GALNT17: variants seen among roughly 807,000 people sequenced by gnomAD.
GALNT17 encodes polypeptide N-acetylgalactosaminyltransferase 17, also known as UDP-GalNAc:polypeptide N-acetylgalactosaminyltransferase-like 3.
In GALNT17, 29 loss-of-function variants were observed where a neutral mutation model predicts 63.7. The observed-to-expected ratio is 0.46, with a 90% CI of 0.34 to 0.62. The LOEUF is 0.62. Ranked by LOEUF, GALNT17 falls within the 20% of genes least tolerant of loss-of-function variation. The pLI is 0.01. For synonymous variants in GALNT17, 305 were observed against 318.3 expected (o/e 0.96, Z 0.45); for missense variants, 603 against 799.6 (o/e 0.75, Z 2.97).
chr7:71,438,764 CT>C (rs1199232470), intron 5 of GALNT17, among the ~76,000 whole-genome samples: 1 of 151,968 alleles, frequency 6.6e-6, no homozygotes, highest in Non-Finnish European at 1.5e-5. Flanking sequence ...TATAATAGCC[CT>C]TTTCTTTTTA....
At chr7:71,346,129 C>A (rs1401064742) in intron 2 of GALNT17, among the ~76,000 whole-genome samples, 1 of 151,562 alleles carries the variant, frequency 6.6e-6, no homozygotes, top group Non-Finnish European at 1.5e-5. Flanking sequence ...GAGTCCAAGG[C>A]TACAGGGAGC....
At position 71,555,551 on chromosome 7, in the gene GALNT17, C is replaced by T. The variant is rs191459848; in HGVS notation, c.963-15734C>T. Among the ~76,000 whole-genome samples, 3 of 152,160 alleles carry T rather than the reference C, an allele frequency of 2.0e-5. No homozygotes were observed. In the East Asian group the frequency reaches 5.8e-4, roughly 30 times the overall value. On this transcript the variant is annotated intron_variant, in intron 5 of 10. Coordinates refer to ENST00000333538, the MANE Select transcript of GALNT17 (RefSeq NM_022479.3). ...AGGCCCCACCTATAACACTGGTGAT[C>T]ACATTTCAACATGAGATTTGGAAGG...
chr7:71,500,496 TTCC>T (rs916287517), intron 5 of GALNT17, among the ~76,000 whole-genome samples: 5 of 152,120 alleles, frequency 3.3e-5, no homozygotes, highest in Admixed American at 1.3e-4. Flanking sequence ...AGGTCTCAAC[TTCC>T]TCCTCTCTGT....
At chr7:71,622,869 G>T (rs1489699629) in intron 6 of GALNT17, among the ~76,000 whole-genome samples, 1 of 152,182 alleles carries the variant, frequency 6.6e-6, no homozygotes, top group Non-Finnish European at 1.5e-5. Context: ...AAAACCCTGT[G>T]CTGGACTTTG....
At chr7:71,630,156 C>A (rs1036922388) in intron 6 of GALNT17, among the ~76,000 whole-genome samples, 1 of 142,034 alleles carries the variant, frequency 7.0e-6, no homozygotes, top group Admixed American at 7.0e-5. Flanking sequence ...AGTCCTCCCA[C>A]CTTGGCCTCC....
chr7:71,198,802 C>G (rs114888783), intron 1 of GALNT17, among the ~76,000 whole-genome samples: 2,012 of 152,304 alleles, frequency 0.013, 41 homozygotes, highest in African/African-American at 0.046. Flanking sequence ...TTTTGCTCCT[C>G]TCTCTCCCCA....
intron 8 of GALNT17, among the ~76,000 whole-genome samples, chr7:71,670,336 GA>G (rs1187667624): frequency 2.6e-5 from 4 of 152,146 alleles, no homozygotes; most frequent in Non-Finnish European, 4.4e-5. Context: ...TACTTTGCCT[GA>G]GATATGTAGC....
chr7:71,449,857 C>T (rs1446707556), intron 5 of GALNT17, among the ~76,000 whole-genome samples: 1 of 151,784 alleles, frequency 6.6e-6, no homozygotes, highest in Admixed American at 6.6e-5. Context: ...GCCTGACCAA[C>T]ATGGAGAAAC....
At chr7:71,202,988 A>T (rs1406424780) in intron 1 of GALNT17, among the ~76,000 whole-genome samples, 1 of 152,168 alleles carries the variant, frequency 6.6e-6, no homozygotes, top group Admixed American at 6.5e-5. Flanking sequence ...ATGTATACAC[A>T]CGTGCACACA....
intron 2 of GALNT17, among the ~76,000 whole-genome samples, chr7:71,383,899 T>C (rs867553251): frequency 1.3e-5 from 2 of 152,342 alleles, no homozygotes; most frequent in Middle Eastern, 3.4e-3. Context: ...TAGCTGCGAA[T>C]AATGCTCTAT....
intron 1 of GALNT17, among the ~76,000 whole-genome samples, chr7:71,297,096 A>C (rs533472629): frequency 6.6e-6 from 1 of 152,100 alleles, no homozygotes; most frequent in Admixed American, 6.5e-5. Context: ...CTCTTCCATC[A>C]CTTTCGCCAG....
intron 5 of GALNT17, among the ~76,000 whole-genome samples, chr7:71,470,972 G>A (rs188676391): frequency 3.3e-5 from 5 of 152,234 alleles, no homozygotes; most frequent in Admixed American, 3.3e-4. Flanking sequence ...TTTTAAAATG[G>A]AATTATGTGT....
At chr7:71,345,810 A>G (rs1267471389) in intron 2 of GALNT17, among the ~76,000 whole-genome samples, 1 of 152,054 alleles carries the variant, frequency 6.6e-6, no homozygotes, top group African/African-American at 2.4e-5. Flanking sequence ...AGCTTTTTTT[A>G]TATGAATCAT....
At chr7:71,711,689 ATCTTCTC>A (rs72492803) in intron 10 of GALNT17, among the ~76,000 whole-genome samples, 22,782 of 111,980 alleles carry the variant, frequency 0.2, 1,834 homozygotes, top group Middle Eastern at 0.29. Context: ...TCTCCTCTCT[ATCTTCTC>A]TCTTCTCTCT....
At chr7:71,594,146 G>A (rs148780268) in intron 6 of GALNT17, among the ~76,000 whole-genome samples, 3 of 152,110 alleles carry the variant, frequency 2.0e-5, no homozygotes, top group Non-Finnish European at 2.9e-5. Flanking sequence ...TTTTTGGAAC[G>A]TTATCAAAGG....
chr7:71,317,363 C>G (rs951510926), intron 1 of GALNT17, among the ~76,000 whole-genome samples: 1 of 152,146 alleles, frequency 6.6e-6, no homozygotes, highest in Non-Finnish European at 1.5e-5. Flanking sequence ...GAATTAGGAC[C>G]AATATCTAGA....
intron 6 of GALNT17, among the ~76,000 whole-genome samples, chr7:71,659,512 C>A (rs1247581704): frequency 6.6e-6 from 1 of 152,172 alleles, no homozygotes; most frequent in African/African-American, 2.4e-5. Flanking sequence ...CTCTATTGCT[C>A]CATTGTCTTT....
At chr7:71,379,569 A>G (rs1395809073) in intron 2 of GALNT17, among the ~76,000 whole-genome samples, 3 of 152,154 alleles carry the variant, frequency 2.0e-5, no homozygotes, top group East Asian at 1.9e-4. Context: ...AGAAGGGACA[A>G]ATGTCACACA....
intron 1 of GALNT17, among the ~76,000 whole-genome samples, chr7:71,210,708 C>A (rs73364047): frequency 0.027 from 4,132 of 152,240 alleles, 187 homozygotes; most frequent in African/African-American, 0.093. Context: ...CACTCCACCC[C>A]ATGGAAGTTC....
Sources: gnomAD v4.1 joint callset for allele counts (sites outside exome capture counted in the v4.1 genomes callset) on GRCh38, gnomAD v4.1.1 for gene constraint, MANE v1.5 for transcripts, NCBI Gene and HGNC (gene_info 2026-07-23, HGNC 2026-07-21) for gene names.